The following LTBP2 variants were observed in gnomAD, a reference collection of about 807,000 sequenced individuals.
LTBP2 encodes the protein latent-transforming growth factor beta-binding protein 2.
A neutral mutation model predicts 210.6 loss-of-function variants in LTBP2; 103 were observed. The ratio of observed to expected loss-of-function variants is 0.49; its 90% CI spans 0.42 to 0.58. The LOEUF is 0.58. Among genes scored for constraint, LTBP2 ranks in the 20% least tolerant of loss-of-function variants. The probability of loss-of-function intolerance (pLI) is 0.00; values close to 1 mark genes in which losing one functional copy is unlikely to be tolerated. For missense variants in LTBP2, 2,313 were observed against 2,494.5 expected, an observed-to-expected ratio of 0.93 and a Z score of 1.55; for synonymous variants, 1,007 against 1,015.0, an observed-to-expected ratio of 0.99 and a Z score of 0.15.
chr14:74,558,475 G>T (rs146808138), intron 3 of LTBP2, among the ~76,000 whole-genome samples: 166 of 152,354 alleles, frequency 1.1e-3, no homozygotes, highest in Admixed American at 3.8e-3. Context: ...TGGCTGAACT[G>T]CTGGCTCACT....
intron 3 of LTBP2, among the ~76,000 whole-genome samples, chr14:74,582,393 TACATACAC>T (rs1163999547): frequency 0.027 from 2,345 of 87,526 alleles, 77 homozygotes; most frequent in African/African-American, 0.11. Context: ...CACACACACA[TACATACAC>T]ACACACACAC....
chr14:74,605,967 G>T (rs1456013887), intron 1 of LTBP2, among the ~76,000 whole-genome samples: 3 of 152,094 alleles, frequency 2.0e-5, no homozygotes, highest in African/African-American at 4.8e-5. Context: ...AAAGTTTTGG[G>T]TGCAGGCCCA....
At position 74,528,961 on chromosome 14, in the gene LTBP2, T is replaced by C; in HGVS notation, c.2149A>G (p.Thr717Ala). Residue 717 changes from threonine to alanine, a missense_variant, in exon 11 of 36, where the codon ACA becomes GCA. Physicochemically the swap from Thr to Ala is moderately conservative, Grantham distance 58 (BLOSUM62 0). This residue lies in a region of LTBP2 where 1,867 missense variants were observed against 1,976.9 expected (regional missense o/e 0.94). Transcript: ENST00000261978. ...TGGGATGGGAACAGGAGGTTACCTG[T>C]GCCAGGCAGAGGGCATTTCTCACAC... ...SECEKCPLPGTEAFREICPAG... is the reference protein window; with the variant it reads ...SECEKCPLPGAEAFREICPAG... The C allele has an allele frequency of 5.0e-6, 8 of 1,611,212 alleles. No individual in the cohort carries two copies. The highest frequency in any genetic ancestry group is 6.8e-6 in the Non-Finnish European group (8 of 1,179,248).
intron 18 of LTBP2, 93 bp downstream of exon 18, chr14:74,516,729 C>T: frequency 6.7e-7 from 1 of 1,503,326 alleles, no homozygotes; most frequent in Non-Finnish European, 9.0e-7. Context: ...AGGGCAGAGA[C>T]AAGCCAGAAG....
Position 74,594,872 on chromosome 14 carries a change from T to C in LTBP2, c.566-8754A>G, listed in dbSNP as rs532571754. On this transcript the variant is annotated intron_variant, in intron 2 of 35. Coordinates refer to ENST00000261978, the MANE Select transcript of LTBP2 (RefSeq NM_000428.3). Reference sequence around the variant, plus strand: ...ACTCTCAAGCTCTGCCCAGGGGCTGTGTCTCCCAGGCCCTGACTGAGGACC... The same window carrying C: ...ACTCTCAAGCTCTGCCCAGGGGCTGCGTCTCCCAGGCCCTGACTGAGGACC... 2.0e-5 allele frequency among the ~76,000 whole-genome samples: 3 copies of C among 152,282 alleles called. No individual in the cohort carries two copies. In the East Asian group the frequency reaches 5.8e-4, roughly 29 times the overall value.
chr14:74,593,739 T>C (rs2088315748), intron 2 of LTBP2, among the ~76,000 whole-genome samples: 1 of 152,064 alleles, frequency 6.6e-6, no homozygotes, highest in Non-Finnish European at 1.5e-5. Context: ...AACATTTCCA[T>C]CATCACAGGA....
chr14:74,611,691 A>G lies in LTBP2; in HGVS notation c.254T>C (p.Val85Ala). The G allele has an allele frequency of 6.3e-7, 1 of 1,580,138 alleles. No homozygotes were observed. Among genetic ancestry groups the G allele is most frequent in the Admixed American group, 1.8e-5 (1 of 56,812 alleles). ...QDAPVAGLQP[V>A]ERAQPGWGSP... ...CCCCCAGCCCGGCTGGGCCCGCTCC[A>G]CGGGCTGCAAGCCCGCGACAGGCGC... is the stretch of plus-strand genomic sequence containing the variant. The change falls in exon 1 of 36, where the codon GTG becomes GCG. Residue 85 changes from valine (V) to alanine (A), a missense_variant. Coordinates refer to ENST00000261978, the MANE Select transcript of LTBP2 (RefSeq NM_000428.3).
At chr14:74,528,360 C>A in intron 12 of LTBP2, 123 bp downstream of exon 12, 1 of 1,135,670 alleles carries the variant, frequency 8.8e-7, no homozygotes, top group Non-Finnish European at 1.3e-6. Flanking sequence ...GCTCCAAGCT[C>A]CCTTTCCTAA....
chr14:74,587,871 C>T (rs1270067983), intron 2 of LTBP2, among the ~76,000 whole-genome samples: 3 of 152,202 alleles, frequency 2.0e-5, no homozygotes, highest in Non-Finnish European at 4.4e-5. Context: ...TCCCTGATGT[C>T]TTCAGGATTC....
chr14:74,574,582 G>A (rs2088030289), intron 3 of LTBP2, among the ~76,000 whole-genome samples: 2 of 152,186 alleles, frequency 1.3e-5, no homozygotes, highest in Admixed American at 1.3e-4. Context: ...TCCTACTGAT[G>A]ATGAAGATGA....
chr14:74,507,455 G>T, intron 25 of LTBP2, 145 bp from the exon 26 acceptor site: 1 of 1,158,128 alleles, frequency 8.6e-7, no homozygotes, highest in Non-Finnish European at 1.3e-6. Flanking sequence ...TCAAGGTCAG[G>T]ACGATTTCCC....
chr14:74,564,740 C>T (rs1274336037), intron 3 of LTBP2, among the ~76,000 whole-genome samples: 1 of 151,844 alleles, frequency 6.6e-6, no homozygotes. Context: ...CCAATAACGC[C>T]CATTACGTGC....
Position 74,611,597 on chromosome 14 carries a change from C to A in LTBP2, c.348G>T (p.Gln116His). The change falls in exon 1 of 36, where the codon CAG becomes CAT. Residue 116 changes from glutamine to histidine, a missense_variant. This residue lies in a region of LTBP2 where 1,867 missense variants were observed against 1,976.9 expected (regional missense o/e 0.94). Transcript: ENST00000261978. ...TGCTTCTCCGGGTCTGCGCAGGTGG[C>A]TGGACACGCCGCGACTGCTGCGCGC... is the stretch of plus-strand genomic sequence containing the variant. ...PSRAQQSRRVQPPAQTRRSTP... is the reference protein window; with the variant it reads ...PSRAQQSRRVHPPAQTRRSTP... 6.4e-7 allele frequency: 1 copy of A among 1,570,204 alleles called. No homozygotes were observed. The highest frequency in any genetic ancestry group is 8.6e-7 in the Non-Finnish European group (1 of 1,164,380).
chr14:74,524,867 C>T (rs1253052185), intron 15 of LTBP2, among the ~76,000 whole-genome samples: 3 of 152,230 alleles, frequency 2.0e-5, no homozygotes, highest in African/African-American at 7.2e-5. Context: ...CTTCCTTCTC[C>T]CATGGTGTCC....
In LTBP2 at chr14:74,500,188, A is replaced by T. The variant is rs781592995; in HGVS notation, c.*696T>A. 4.3e-6 allele frequency: 1 copy of T among 234,480 alleles called. No homozygotes were observed. Among genetic ancestry groups the T allele is most frequent in the Non-Finnish European group, 8.4e-6 (1 of 119,018 alleles). 14.5% of individuals were successfully genotyped at this position (234,480 alleles called of 1,614,324 possible). A position where few individuals can be genotyped will look rare whatever the true frequency, so the allele number is the denominator to read the frequency against. ...TTCTCATCAACTCCACGTATTTTTC[A>T]TCATGTCCTCTTGCTGCTTTCTCAG... On this transcript the variant is annotated 3_prime_UTR_variant, in exon 36 of 36. Coordinates refer to ENST00000261978, the MANE Select transcript of LTBP2 (RefSeq NM_000428.3).
chr14:74,509,490 T>G, intron 21 of LTBP2, 127 bp from the exon 22 acceptor site: 1 of 1,389,738 alleles, frequency 7.2e-7, no homozygotes, highest in Non-Finnish European at 1.0e-6. Flanking sequence ...CCTAGAACGC[T>G]CCCAGGACAG....
At chr14:74,564,111 TTATA>T (rs1179518193) in intron 3 of LTBP2, among the ~76,000 whole-genome samples, 8 of 6,656 alleles carry the variant, frequency 1.2e-3, no homozygotes, top group African/African-American at 2.1e-3. Flanking sequence ...ATATATATAT[TTATA>T]TATATATATT....
chr14:74,568,382 C>T (rs1213986223), intron 3 of LTBP2, among the ~76,000 whole-genome samples: 4 of 151,934 alleles, frequency 2.6e-5, no homozygotes, highest in Admixed American at 1.3e-4. Flanking sequence ...CCAGCGCGGC[C>T]GTGGGGCTGG....
At chr14:74,540,818 ATATT>A (rs1290509798) in intron 8 of LTBP2, among the ~76,000 whole-genome samples, 197 of 18,350 alleles carry the variant, frequency 0.011, 29 homozygotes, top group Non-Finnish European at 0.055. Flanking sequence ...TAATATATAT[ATATT>A]TTTATATAAT....
Sources: gnomAD v4.1 joint callset for allele counts (sites outside exome capture counted in the v4.1 genomes callset) on GRCh38, gnomAD v4.1.1 for gene constraint, gnomAD v4.1.1 regional missense constraint, MANE v1.5 for transcripts, NCBI Gene and HGNC (gene_info 2026-07-23, HGNC 2026-07-21) for gene names.